Variants in THAP6 observed in about 807,000 individuals in gnomAD.
The protein encoded by THAP6 is THAP domain containing 6, also known as THAP domain-containing protein 6.
In THAP6, 13 loss-of-function variants were observed where a neutral mutation model predicts 20.0. That is an observed-to-expected ratio of 0.65 (90% CI 0.42 to 1.03). The LOEUF is 1.03. Among genes scored for constraint, THAP6 ranks in the 50% least tolerant of loss-of-function variants. The probability of loss-of-function intolerance (pLI) is 0.00; values close to 1 mark genes in which losing one functional copy is unlikely to be tolerated. For missense variants in THAP6, 262 were observed against 261.6 expected, an observed-to-expected ratio of 1.00 and a Z score of -0.01; for synonymous variants, 93 against 92.2, an observed-to-expected ratio of 1.01 and a Z score of -0.05.
rs1003706784 is a variant in THAP6 at position 75,528,398 on chromosome 4, A to C, written c.*1184A>C. On this transcript the variant is annotated 3_prime_UTR_variant, in exon 5 of 5. Coordinates refer to ENST00000311638, the MANE Select transcript of THAP6 (RefSeq NM_144721.6). Reference sequence around the variant, plus strand: ...AGAATAAAAACCATTTGCCAAAGCAACACTCTACTTAGAAGCACATGTACA... The same window carrying C: ...AGAATAAAAACCATTTGCCAAAGCACCACTCTACTTAGAAGCACATGTACA... 3.0e-6 allele frequency: 3 copies of C among 985,452 alleles called. No individual in the cohort carries two copies. The highest frequency in any genetic ancestry group is 3.6e-6 in the Non-Finnish European group (3 of 829,934). 61.0% of individuals were successfully genotyped at this position (985,452 alleles called of 1,614,324 possible).
At chr4:75,545,689 C>A (rs956310648) in intron 3 of THAP6, among the ~76,000 whole-genome samples, 1 of 152,226 alleles carries the variant, frequency 6.6e-6, no homozygotes, top group African/African-American at 2.4e-5. Flanking sequence ...CAAATAGCAG[C>A]TTCCCCGGAT....
At chr4:75,546,175 G>A (rs918627988) in intron 3 of THAP6, among the ~76,000 whole-genome samples, 1 of 152,172 alleles carries the variant, frequency 6.6e-6, no homozygotes, top group Non-Finnish European at 1.5e-5. Flanking sequence ...CCAAACACAT[G>A]TTCAAACCAC....
intron 3 of THAP6, among the ~76,000 whole-genome samples, chr4:75,547,137 G>A (rs1214034001): frequency 2.6e-5 from 4 of 152,084 alleles, no homozygotes; most frequent in East Asian, 1.9e-4. Flanking sequence ...CAACATGCAG[G>A]TACAGGGGCA....
chr4:75,536,026 G>A (rs542439974), intron 2 of THAP6, among the ~76,000 whole-genome samples: 8 of 152,258 alleles, frequency 5.3e-5, no homozygotes, highest in Admixed American at 2.6e-4. Flanking sequence ...TTGTTAACTT[G>A]ATTACTGCAA....
chr4:75,545,156 A>G (rs928658528), intron 3 of THAP6, among the ~76,000 whole-genome samples: 6 of 152,242 alleles, frequency 3.9e-5, no homozygotes, highest in Non-Finnish European at 8.8e-5. Flanking sequence ...ATGATAACAT[A>G]GATGAGGAAA....
At chr4:75,541,862 A>G (rs866300314) in intron 2 of THAP6, among the ~76,000 whole-genome samples, 1 of 152,026 alleles carries the variant, frequency 6.6e-6, no homozygotes, top group Non-Finnish European at 1.5e-5. Flanking sequence ...AGGCTGAGGC[A>G]GGAGAATCGC....
At chr4:75,523,800 C>CAA (rs74684663) in intron 4 of THAP6, among the ~76,000 whole-genome samples, 44 of 72,622 alleles carry the variant, frequency 6.1e-4, no homozygotes, top group Middle Eastern at 8.2e-3. Flanking sequence ...GAACCTGTCT[C>CAA]AAAAAAAAAA....
Position 75,516,884 on chromosome 4 carries a change from C to A in THAP6, c.193C>A (p.His65Asn). The A allele has an allele frequency of 6.2e-7, 1 of 1,614,042 alleles. No individual in the cohort carries two copies. Among genetic ancestry groups the A allele is most frequent in the Non-Finnish European group, 8.5e-7 (1 of 1,180,012 alleles). Residue 65 changes from histidine (H) to asparagine (N), a missense_variant, in exon 3 of 5, where the codon CAC (histidine) becomes AAC (asparagine). His to Asn is a moderately conservative substitution (Grantham distance 68). Coordinates refer to ENST00000311638, the MANE Select transcript of THAP6 (RefSeq NM_144721.6). ...PKKGDVLCSR[H>N]FKKTDFDRSA... ...AAAAGGAGATGTGTTGTGTTCGAGGCACTTTAAGAAGACAGATTTTGACAG... is the reference window on the plus strand; with the variant it reads ...AAAAGGAGATGTGTTGTGTTCGAGGAACTTTAAGAAGACAGATTTTGACAG...
At chr4:75,532,362 TC>T (rs754017493), downstream of THAP6, among the ~76,000 whole-genome samples, 9 of 152,212 alleles carry the variant, frequency 5.9e-5, no homozygotes, top group Non-Finnish European at 1.3e-4. Flanking sequence ...GTTTCTATAG[TC>T]TTGGGCAGCT....
Position 75,527,666 on chromosome 4 carries a change from C to A in THAP6, c.*452C>A. The A allele has an allele frequency of 3.0e-6, 3 of 994,448 alleles. No individual in the cohort carries two copies. The highest frequency in any genetic ancestry group is 2.4e-6 in the Non-Finnish European group (2 of 834,956). The allele number at this position is 994,448 out of a possible 1,614,324, so 61.6% of individuals were successfully genotyped here. ...GCACAATTCATTTGTAATGCATATC[C>A]ATCTTGGATTCAATCCAAGGTGCTT... On this transcript the variant is annotated 3_prime_UTR_variant, in exon 5 of 5. Coordinates refer to ENST00000311638, the MANE Select transcript of THAP6 (RefSeq NM_144721.6).
chr4:75,516,793 C>CA lies in THAP6; in HGVS notation c.106dup (p.Arg36LysfsTer11). 1 of 1,613,314 alleles carries CA rather than the reference C, an allele frequency of 6.2e-7. No individual in the cohort carries two copies. Among genetic ancestry groups the CA allele is most frequent in the South Asian group, 1.1e-5 (1 of 90,968 alleles). Reference sequence around the variant, plus strand: ...CTAGATTCCCCACAGATGAAAACATCAAAAGGAAATGGGTATTAGCAATGA... The same window carrying CA: ...CTAGATTCCCCACAGATGAAAACATCAAAAAGGAAATGGGTATTAGCAATGA... On this transcript the variant is annotated frameshift_variant, in exon 3 of 5. Coordinates refer to ENST00000311638, the MANE Select transcript of THAP6 (RefSeq NM_144721.6). LOFTEE classifies it high-confidence loss of function.
At chr4:75,534,554 T>G (rs930321151), downstream of THAP6, among the ~76,000 whole-genome samples, 15 of 152,040 alleles carry the variant, frequency 9.9e-5, no homozygotes, top group African/African-American at 3.6e-4. Context: ...AAGCCAAAAT[T>G]GACAAATTGG....
chr4:75,533,586 G>A (rs892537863), downstream of THAP6, among the ~76,000 whole-genome samples: 6 of 152,198 alleles, frequency 3.9e-5, no homozygotes, highest in South Asian at 2.1e-4. Flanking sequence ...AGACATACCC[G>A]AGACTGGGCA....
chr4:75,514,319 T>A, upstream of THAP6: 1 of 1,597,054 alleles, frequency 6.3e-7, no homozygotes, highest in Non-Finnish European at 8.6e-7. Flanking sequence ...CCACCGATCC[T>A]TCCCCCAGGA....
downstream of THAP6, among the ~76,000 whole-genome samples, chr4:75,532,395 G>T (rs368809755): frequency 2.8e-4 from 43 of 152,306 alleles, no homozygotes; most frequent in South Asian, 7.9e-3. Flanking sequence ...GCTTTGCAGG[G>T]TACAGCCTCC....
chr4:75,528,620 A>G lies in THAP6; in HGVS notation c.*1406A>G, dbSNP rs1726522641. On this transcript the variant is annotated 3_prime_UTR_variant, in exon 5 of 5. Coordinates refer to ENST00000311638, the MANE Select transcript of THAP6 (RefSeq NM_144721.6). ...AGAATTTTCTGTTTTAATGCATGTTATACTTTTATGTAGGATTCCAAACCT... is the reference window on the plus strand; with the variant it reads ...AGAATTTTCTGTTTTAATGCATGTTGTACTTTTATGTAGGATTCCAAACCT... 1 of 984,780 alleles carries G rather than the reference A, an allele frequency of 1.0e-6. No individual in the cohort carries two copies. Among genetic ancestry groups the G allele is most frequent in the African/African-American group, 1.7e-5 (1 of 57,208 alleles). 61.0% of individuals were successfully genotyped at this position (984,780 alleles called of 1,614,324 possible). A position where few individuals can be genotyped will look rare whatever the true frequency, so the allele number is the denominator to read the frequency against.
intron 4 of THAP6, among the ~76,000 whole-genome samples, chr4:75,525,645 G>A (rs1726316731): frequency 6.6e-6 from 1 of 152,048 alleles, no homozygotes; most frequent in Non-Finnish European, 1.5e-5. Flanking sequence ...TGCATGCCTG[G>A]TAAATTTTGC....
At chr4:75,547,124 C>T (rs977216719) in intron 3 of THAP6, among the ~76,000 whole-genome samples, 1 of 152,176 alleles carries the variant, frequency 6.6e-6, no homozygotes, top group Non-Finnish European at 1.5e-5. Flanking sequence ...CAACCAGGTG[C>T]GTCAACATGC....
chr4:75,538,721 G>A (rs1460800798), intron 2 of THAP6, among the ~76,000 whole-genome samples: 1 of 152,156 alleles, frequency 6.6e-6, no homozygotes, highest in Non-Finnish European at 1.5e-5. Flanking sequence ...AGCTCCCTTT[G>A]GAGAACACGC....
Sources: gnomAD v4.1 joint callset for allele counts (sites outside exome capture counted in the v4.1 genomes callset) on GRCh38, gnomAD v4.1.1 for gene constraint, MANE v1.5 for transcripts, NCBI Gene and HGNC (gene_info 2026-07-23, HGNC 2026-07-21) for gene names.